NHEJ1: variants seen among roughly 807,000 people sequenced by gnomAD.
NHEJ1 encodes the protein non-homologous end-joining factor 1.
Under a neutral mutation model 39.4 loss-of-function variants are expected in NHEJ1, and 22 were observed. That is an observed-to-expected ratio of 0.56 (90% CI 0.40 to 0.80). The LOEUF (loss-of-function observed/expected upper bound fraction) is 0.80, where lower values mean the gene tolerates loss of function less well. Ranked by LOEUF, NHEJ1 falls within the 30% of genes least tolerant of loss-of-function variation. The pLI, the probability that NHEJ1 is intolerant of heterozygous loss-of-function variation, is 0.00. For synonymous variants in NHEJ1, 154 were observed against 135.6 expected, an observed-to-expected ratio of 1.14 and a Z score of -0.94; for missense variants, 329 against 357.1, an observed-to-expected ratio of 0.92 and a Z score of 0.63.
intron 5 of NHEJ1, among the ~76,000 whole-genome samples, chr2:219,123,119 C>G (rs115977817): frequency 0.014 from 2,136 of 152,240 alleles, 57 homozygotes; most frequent in South Asian, 0.091. Context: ...CAGAAAAACA[C>G]TGGTAGGGAT....
chr2:219,080,550 AAT>A (rs543049110), intron 5 of NHEJ1, among the ~76,000 whole-genome samples: 9,272 of 136,330 alleles, frequency 0.068, 1,166 homozygotes, highest in African/African-American at 0.24. Context: ...AATAAATAAA[AAT>A]ATATATATAT....
intron 5 of NHEJ1, among the ~76,000 whole-genome samples, chr2:219,130,881 G>A (rs1052801750): frequency 6.6e-6 from 1 of 152,042 alleles, no homozygotes; most frequent in East Asian, 1.9e-4. Context: ...TTGAGGCCAG[G>A]AGTTCAAGAC....
intron 5 of NHEJ1, among the ~76,000 whole-genome samples, chr2:219,093,216 A>G (rs1949177520): frequency 6.6e-6 from 1 of 152,134 alleles, no homozygotes; most frequent in Non-Finnish European, 1.5e-5. Context: ...GGGAGGAGGG[A>G]AAGCCACCTG....
At chr2:219,086,841 T>C (rs145286602) in intron 5 of NHEJ1, among the ~76,000 whole-genome samples, 2 of 152,162 alleles carry the variant, frequency 1.3e-5, no homozygotes, top group East Asian at 1.9e-4. Flanking sequence ...GACAAGCAAA[T>C]GGTACAGACT....
At chr2:219,119,656 G>A (rs925517746) in intron 5 of NHEJ1, among the ~76,000 whole-genome samples, 1 of 152,124 alleles carries the variant, frequency 6.6e-6, no homozygotes, top group Non-Finnish European at 1.5e-5. Context: ...TGACAACTGA[G>A]TAGAACAGAT....
At chr2:219,106,706 T>G (rs571337269) in intron 5 of NHEJ1, among the ~76,000 whole-genome samples, 162 of 152,250 alleles carry the variant, frequency 1.1e-3, no homozygotes, top group African/African-American at 3.7e-3. Context: ...TTATGCAAAA[T>G]GTAGCGCCAT....
intron 3 of NHEJ1, among the ~76,000 whole-genome samples, chr2:219,153,700 G>GC (rs1318233666): frequency 1.3e-4 from 16 of 126,414 alleles, no homozygotes; most frequent in South Asian, 2.9e-4. Flanking sequence ...AAAGGGGGGG[G>GC]GGGTGGAGAG....
At chr2:219,134,679 G>C (rs1559198933) in intron 5 of NHEJ1, among the ~76,000 whole-genome samples, 1 of 152,100 alleles carries the variant, frequency 6.6e-6, no homozygotes, top group Admixed American at 6.5e-5. Flanking sequence ...TCTTCGACCT[G>C]AGCTTCAACC....
chr2:219,133,061 T>A (rs1381089398), intron 5 of NHEJ1, among the ~76,000 whole-genome samples: 1 of 152,052 alleles, frequency 6.6e-6, no homozygotes, highest in East Asian at 1.9e-4. Flanking sequence ...ATGAAAAAAA[T>A]TCTTCTGGGA....
At chr2:219,129,442 C>G (rs1406991830) in intron 5 of NHEJ1, among the ~76,000 whole-genome samples, 1 of 152,164 alleles carries the variant, frequency 6.6e-6, no homozygotes, top group Non-Finnish European at 1.5e-5. Context: ...GTGGGACTAG[C>G]AAGTCCCACC....
Position 219,073,603 on chromosome 2 carries a change from G to A in NHEJ1, c.*2778C>T, listed in dbSNP as rs1395588178. On this transcript the variant is annotated 3_prime_UTR_variant, in exon 8 of 8. Transcript: ENST00000356853. ...GTGGCGCTATTTCTCTACTTTTTAG[G>A]TCAAGTTCCTGCAGGAACTTCCTCG... Among the ~76,000 whole-genome samples the A allele has an allele frequency of 2.0e-5, 3 of 152,186 alleles. No homozygotes were observed. Among genetic ancestry groups the A allele is most frequent in the East Asian group, 3.9e-4 (2 of 5,192 alleles).
intron 5 of NHEJ1, among the ~76,000 whole-genome samples, chr2:219,112,471 A>C (rs1559193889): frequency 1.3e-5 from 2 of 152,206 alleles, no homozygotes. Context: ...ACTGGCCAAG[A>C]AACTGCAGTC....
chr2:219,146,627 C>G, intron 5 of NHEJ1, 53 bp downstream of exon 5: 2 of 1,432,204 alleles, frequency 1.4e-6, no homozygotes, highest in Non-Finnish European at 2.0e-6. Flanking sequence ...CACTCAGGCA[C>G]CTGGAAAGAG....
chr2:219,076,278 T>C lies in NHEJ1; in HGVS notation c.*103A>G, dbSNP rs779324501. On this transcript the variant is annotated 3_prime_UTR_variant, in exon 8 of 8. Coordinates refer to ENST00000356853, the MANE Select transcript of NHEJ1 (RefSeq NM_024782.3). ...CTCGCCCTTACAGGAGGCCTCTGAC[T>C]GTATCACTATTTTAGAAATATTGCT... The C allele has an allele frequency of 1.9e-6, 3 of 1,603,836 alleles. No homozygotes were observed. In the South Asian group the frequency reaches 3.4e-5, roughly 18 times the overall value.
At chr2:219,154,505 CAAG>C (rs1344486501) in intron 3 of NHEJ1, among the ~76,000 whole-genome samples, 2 of 152,092 alleles carry the variant, frequency 1.3e-5, no homozygotes, top group Non-Finnish European at 2.9e-5. Context: ...AAAACGATCA[CAAG>C]AATGAGTTAC....
chr2:219,093,887 C>T (rs539907564), intron 5 of NHEJ1, among the ~76,000 whole-genome samples: 7 of 152,188 alleles, frequency 4.6e-5, no homozygotes, highest in African/African-American at 1.4e-4. Context: ...AGTCCAAGCA[C>T]GGAACGTGTG....
chr2:219,156,476 T>A (rs1392411448), intron 3 of NHEJ1, among the ~76,000 whole-genome samples: 2 of 152,196 alleles, frequency 1.3e-5, no homozygotes, highest in Non-Finnish European at 2.9e-5. Flanking sequence ...TAAAACTGTG[T>A]CTGTTATTCC....
At chr2:219,141,840 C>G (rs1169200876) in intron 5 of NHEJ1, among the ~76,000 whole-genome samples, 1 of 152,040 alleles carries the variant, frequency 6.6e-6, no homozygotes, top group Non-Finnish European at 1.5e-5. Context: ...AAACACTAAC[C>G]TTTAAGAGGC....
At chr2:219,078,345 A>C in intron 5 of NHEJ1, 139 bp from the exon 6 acceptor site, 1 of 750,764 alleles carries the variant, frequency 1.3e-6, no homozygotes, top group Non-Finnish European at 2.3e-6. Context: ...GACCATATCC[A>C]AGCCTGGTGG....
Sources: gnomAD v4.1 joint callset for allele counts (sites outside exome capture counted in the v4.1 genomes callset) on GRCh38, gnomAD v4.1.1 for gene constraint, MANE v1.5 for transcripts, NCBI Gene and HGNC (gene_info 2026-07-23, HGNC 2026-07-21) for gene names.